The following MAG variants were observed in gnomAD, a reference collection of about 807,000 sequenced individuals.
The protein encoded by MAG is myelin-associated glycoprotein.
MAG carries 30 observed loss-of-function variants against 60.7 expected under a neutral mutation model. The observed-to-expected ratio is 0.49, with a 90% CI of 0.37 to 0.67. The LOEUF is 0.67. Among genes scored for constraint, MAG ranks in the 30% least tolerant of loss-of-function variants. The pLI is 0.00. For synonymous variants in MAG, 384 were observed against 376.8 expected, an observed-to-expected ratio of 1.02 and a Z score of -0.22; for missense variants, 795 against 851.7, an observed-to-expected ratio of 0.93 and a Z score of 0.83.
intron 6 of MAG, among the ~76,000 whole-genome samples, chr19:35,301,910 C>T (rs566704346): frequency 2.0e-5 from 3 of 151,996 alleles, no homozygotes; most frequent in Non-Finnish European, 4.4e-5. Context: ...GCATTCCCCA[C>T]GGCTGGCTCT....
chr19:35,310,294 C>G, intron 8 of MAG, 133 bp downstream of exon 8: 1 of 1,275,372 alleles, frequency 7.8e-7, no homozygotes, highest in South Asian at 1.5e-5. Flanking sequence ...TCTCCCTTTC[C>G]GGTTGGAGAG....
chr19:35,311,453 G>A (rs2066526364), intron 9 of MAG, among the ~76,000 whole-genome samples: 1 of 152,106 alleles, frequency 6.6e-6, no homozygotes, highest in South Asian at 2.1e-4. Context: ...GACAAAGAGA[G>A]ACCCTGTCTC....
rs1387327343 is a variant in MAG at position 35,293,361 on chromosome 19, C to T, written c.-79-874C>T. On this transcript the variant is annotated intron_variant, in intron 1 of 10. Transcript: ENST00000392213. The surrounding 1 kb of genome is among the most constrained non-coding windows in gnomAD (Gnocchi z 4.0). ...GACAGCAGCAGAGGCATTGCATGCA[C>T]GCCTTGGGAACTATGTGAGTGCCAG... 3.3e-5 allele frequency among the ~76,000 whole-genome samples: 5 copies of T among 151,798 alleles called. No individual in the cohort carries two copies. The highest frequency in any genetic ancestry group is 1.3e-4 in the Admixed American group (2 of 15,232).
At chr19:35,300,048 C>T in intron 5 of MAG, 99 bp from the exon 6 acceptor site, 1 of 657,242 alleles carries the variant, frequency 1.5e-6, no homozygotes, top group Non-Finnish European at 1.8e-6. Flanking sequence ...AGGCTGAGGG[C>T]GGGGCCGGAC....
chr19:35,296,008 C>CAA (rs778723879), intron 4 of MAG, 27 bp downstream of exon 4: 10 of 1,533,514 alleles, frequency 6.5e-6, no homozygotes, highest in Non-Finnish European at 8.8e-6. Context: ...TGTGCAGGCA[C>CAA]CGGGAGCTGG....
At chr19:35,309,759 G>C (rs10411704) in intron 7 of MAG, 115 bp from the exon 8 acceptor site, 2 of 1,145,164 alleles carry the variant, frequency 1.7e-6, no homozygotes, top group Middle Eastern at 3.0e-4. Flanking sequence ...GGGCCCTACA[G>C]GAAGCTACCG....
chr19:35,304,243 G>A (rs927935185), intron 7 of MAG, among the ~76,000 whole-genome samples: 9 of 152,036 alleles, frequency 5.9e-5, no homozygotes, highest in East Asian at 3.9e-4. Flanking sequence ...GCGGGGCTGC[G>A]TGGTCCCCTG....
chr19:35,298,143 C>T (rs1328861007), intron 4 of MAG, among the ~76,000 whole-genome samples: 1 of 150,952 alleles, frequency 6.6e-6, no homozygotes, highest in East Asian at 2.0e-4. Context: ...ATGCTACCCA[C>T]ACATCAAACA....
At chr19:35,297,937 G>A (rs1243311194) in intron 4 of MAG, among the ~76,000 whole-genome samples, 2 of 112,648 alleles carry the variant, frequency 1.8e-5, no homozygotes, top group Admixed American at 9.0e-5. Flanking sequence ...CACTGCACAT[G>A]CTACACACAC....
rs547267012 is a variant in MAG, at chr19:35,309,143, C to T, written c.1232-731C>T. 1.9e-4 allele frequency among the ~76,000 whole-genome samples: 29 copies of T among 152,244 alleles called. No individual in the cohort carries two copies. In the South Asian group the frequency reaches 5.4e-3, roughly 28 times the overall value. On this transcript the variant is annotated intron_variant, in intron 7 of 10. Coordinates refer to ENST00000392213, the MANE Select transcript of MAG (RefSeq NM_002361.4). ...AACGGCCCGTCCCTGTGACATAGTG[C>T]TCTGTCCAGGCTGAAGCTGAGGCTA...
At chr19:35,308,659 G>A (rs2066502579) in intron 7 of MAG, among the ~76,000 whole-genome samples, 1 of 152,158 alleles carries the variant, frequency 6.6e-6, no homozygotes, top group Admixed American at 6.5e-5. Context: ...AAAATCAAAA[G>A]GCTTTTTGCA....
chr19:35,293,024 T>C lies in MAG; in HGVS notation c.-80+820T>C, dbSNP rs1348873068. Among the ~76,000 whole-genome samples, 2 of 152,176 alleles carry C rather than the reference T, an allele frequency of 1.3e-5. No individual in the cohort carries two copies. The highest frequency in any genetic ancestry group is 2.9e-5 in the Non-Finnish European group (2 of 68,028). ...CCACACACACTGTAATAGCTGAGGT[T>C]GATTTGGCCCCCATCCCGAGAACTT... is the stretch of plus-strand genomic sequence containing the variant. On this transcript the variant is annotated intron_variant, in intron 1 of 10. Coordinates refer to ENST00000392213, the MANE Select transcript of MAG (RefSeq NM_002361.4). The surrounding 1 kb of genome is among the most constrained non-coding windows in gnomAD (Gnocchi z 4.0).
At chr19:35,312,256 G>C in intron 10 of MAG, 1 of 1,611,332 alleles carries the variant, frequency 6.2e-7, no homozygotes, top group Non-Finnish European at 8.5e-7. Flanking sequence ...GCCTGTGTCT[G>C]TGACTGCATT....
chr19:35,299,051 A>G (rs985056096), intron 4 of MAG, among the ~76,000 whole-genome samples: 3 of 150,892 alleles, frequency 2.0e-5, no homozygotes, highest in African/African-American at 7.3e-5. Flanking sequence ...CACCACACAC[A>G]CACACACACA....
intron 4 of MAG, among the ~76,000 whole-genome samples, chr19:35,297,306 ACAC>A (rs1384470904): frequency 6.1e-5 from 9 of 148,540 alleles, no homozygotes; most frequent in East Asian, 2.0e-4. Flanking sequence ...CACCACACAC[ACAC>A]CACACCAAAC....
At position 35,313,487 on chromosome 19, in the gene MAG, C is replaced by A. The variant is rs761910839; in HGVS notation, c.*33C>A. On this transcript the variant is annotated 3_prime_UTR_variant, in exon 11 of 11. Coordinates refer to ENST00000392213, the MANE Select transcript of MAG (RefSeq NM_002361.4). ...GGGGGCAGCCTGCGTGGCTGACCCC[C>A]CTCAGGACCCTCGCTGGCCCCCACT... The A allele has an allele frequency of 1.9e-6, 3 of 1,571,372 alleles. No individual in the cohort carries two copies. The highest frequency in any genetic ancestry group is 1.4e-5 in the African/African-American group (1 of 72,994).
intron 6 of MAG, among the ~76,000 whole-genome samples, chr19:35,301,428 G>C (rs567554671): frequency 5.7e-5 from 6 of 104,486 alleles, no homozygotes; most frequent in African/African-American, 1.7e-4. Context: ...GCTCTTGAGT[G>C]CTTTTTTTTT....
At chr19:35,301,496 A>G (rs2066448132) in intron 6 of MAG, among the ~76,000 whole-genome samples, 1 of 147,154 alleles carries the variant, frequency 6.8e-6, no homozygotes, top group African/African-American at 2.5e-5. Context: ...CAATGGAGCA[A>G]TCTTGGCTCA....
intron 7 of MAG, among the ~76,000 whole-genome samples, chr19:35,306,789 A>G (rs1208698495): frequency 1.3e-5 from 2 of 152,204 alleles, no homozygotes; most frequent in Non-Finnish European, 2.9e-5. Flanking sequence ...GGAGTCCCGT[A>G]GCCCCTTGTG....
Sources: allele counts gnomAD v4.1 joint callset (sites outside exome capture counted in the v4.1 genomes callset), GRCh38; gene constraint gnomAD v4.1.1; non-coding constraint Gnocchi (gnomAD v3.1); transcripts MANE v1.5; gene names NCBI Gene and HGNC (gene_info 2026-07-23, HGNC 2026-07-21).